The following CEP112 variants were observed in gnomAD, a reference collection of about 807,000 sequenced individuals.
CEP112 encodes the protein centrosomal protein 112.
A neutral mutation model predicts 153.0 loss-of-function variants in CEP112; 127 were observed. The ratio of observed to expected loss-of-function variants is 0.83; its 90% confidence interval spans 0.72 to 0.96. The LOEUF is 0.96. Among genes scored for constraint, CEP112 ranks in the 40% least tolerant of loss-of-function variants. The pLI is 0.00. For missense variants in CEP112, 1,089 were observed against 1,101.2 expected (o/e 0.99, Z 0.16); for synonymous variants, 358 against 374.4 (o/e 0.96, Z 0.51).
chr17:65,693,296 GAGTCAGTTTTCACACC>G (rs2048204533), intron 23 of CEP112, among the ~76,000 whole-genome samples: 1 of 151,970 alleles, frequency 6.6e-6, no homozygotes, highest in African/African-American at 2.4e-5. Context: ...CTGCTCTCCT[GAGTCAGTTTTCACACC>G]AGTCACTTGT....
At chr17:66,119,649 T>G (rs745498129) in intron 6 of CEP112, among the ~76,000 whole-genome samples, 7 of 152,218 alleles carry the variant, frequency 4.6e-5, no homozygotes, top group Non-Finnish European at 1.0e-4. Context: ...TTAGGACTAT[T>G]TGCAGTTTTG....
rs113513721 is a variant in CEP112 at position 65,970,811 on chromosome 17, C to T, written c.1737-9213G>A. On this transcript the variant is annotated intron_variant, in intron 17 of 26. Transcript: ENST00000535342. ...AAATGTATATTGCACATGTGTATGG[C>T]GCATGTATATTGCATGCATGCACAT... Among the ~76,000 whole-genome samples, 20 of 43,452 alleles carry T rather than the reference C, an allele frequency of 4.6e-4. 1 individual carries two copies. The highest frequency in any genetic ancestry group is 2.5e-3 in the South Asian group (1 of 396). The allele number at this position is 43,452 out of a possible 152,430, so 28.5% of individuals were successfully genotyped here.
intron 21 of CEP112, among the ~76,000 whole-genome samples, chr17:65,842,502 C>G (rs1484359699): frequency 2.6e-5 from 4 of 152,126 alleles, no homozygotes; most frequent in Non-Finnish European, 1.5e-5. Context: ...AGGGAGCAGT[C>G]TATTTCCATC....
At chr17:65,772,283 G>C (rs956326131) in intron 21 of CEP112, among the ~76,000 whole-genome samples, 2 of 151,772 alleles carry the variant, frequency 1.3e-5, no homozygotes, top group African/African-American at 4.8e-5. Context: ...TAGAAAAGAG[G>C]AAAACAATGG....
At chr17:65,899,210 T>C (rs1227990275) in intron 20 of CEP112, among the ~76,000 whole-genome samples, 3 of 152,144 alleles carry the variant, frequency 2.0e-5, no homozygotes, top group Non-Finnish European at 4.4e-5. Flanking sequence ...GGTTATGAAT[T>C]TCTACAAGTC....
intron 16 of CEP112, among the ~76,000 whole-genome samples, chr17:66,012,706 G>C (rs2064587692): frequency 6.6e-6 from 1 of 151,980 alleles, no homozygotes; most frequent in Admixed American, 6.6e-5. Flanking sequence ...ATGTGTCTTG[G>C]GGATGGTCTT....
chr17:66,163,840 C>T (rs1435505654), intron 4 of CEP112, among the ~76,000 whole-genome samples: 1 of 152,070 alleles, frequency 6.6e-6, no homozygotes. Flanking sequence ...TTAAAAAGGA[C>T]AACCCAAACT....
chr17:66,140,735 T>G (rs1192740574), intron 4 of CEP112, among the ~76,000 whole-genome samples: 1 of 152,098 alleles, frequency 6.6e-6, no homozygotes, highest in Non-Finnish European at 1.5e-5. Flanking sequence ...CTCCACCTCC[T>G]GGGTTCAAGC....
At chr17:65,958,850 G>A (rs2062094144) in intron 18 of CEP112, among the ~76,000 whole-genome samples, 1 of 152,106 alleles carries the variant, frequency 6.6e-6, no homozygotes, top group Non-Finnish European at 1.5e-5. Context: ...AACTCGTGGT[G>A]CCTTTTCTGG....
chr17:65,999,197 C>CTT (rs34483996), intron 17 of CEP112, among the ~76,000 whole-genome samples: 6 of 132,048 alleles, frequency 4.5e-5, no homozygotes, highest in African/African-American at 8.2e-5. Flanking sequence ...TTACTAAATT[C>CTT]TTTTTTTTTT....
At chr17:65,952,972 T>C (rs376868982) in intron 18 of CEP112, among the ~76,000 whole-genome samples, 9 of 152,342 alleles carry the variant, frequency 5.9e-5, no homozygotes, top group South Asian at 2.1e-4. Flanking sequence ...ATTGTCTTTT[T>C]ATTATTGAGT....
At chr17:66,132,981 G>A (rs537593712) in intron 4 of CEP112, among the ~76,000 whole-genome samples, 3 of 152,104 alleles carry the variant, frequency 2.0e-5, no homozygotes, top group South Asian at 2.1e-4. Flanking sequence ...AGAGGTTGCA[G>A]TGAGCTGAGA....
At chr17:65,675,953 G>A (rs1355049498) in intron 24 of CEP112, among the ~76,000 whole-genome samples, 3 of 152,114 alleles carry the variant, frequency 2.0e-5, no homozygotes, top group Non-Finnish European at 4.4e-5. Flanking sequence ...AGAATAGAAA[G>A]AAAATTCCTT....
chr17:65,966,167 A>C (rs1044815726), intron 17 of CEP112, among the ~76,000 whole-genome samples: 97 of 152,318 alleles, frequency 6.4e-4, no homozygotes, highest in African/African-American at 2.4e-5. Context: ...TTTATTCATA[A>C]AGTGCAGTAA....
chr17:66,070,139 A>T (rs2067258637), intron 8 of CEP112, 138 bp from the exon 9 acceptor site: 2 of 596,330 alleles, frequency 3.4e-6, no homozygotes, highest in Non-Finnish European at 5.9e-6. Flanking sequence ...GATTCTAGCA[A>T]TCACATTACA....
chr17:65,717,389 C>T (rs2049592699), intron 23 of CEP112, among the ~76,000 whole-genome samples: 1 of 152,092 alleles, frequency 6.6e-6, no homozygotes, highest in Admixed American at 6.6e-5. Context: ...AGATTCCGCC[C>T]CTCACCCACA....
chr17:65,694,941 C>T (rs1347649252), intron 23 of CEP112, among the ~76,000 whole-genome samples: 5 of 152,214 alleles, frequency 3.3e-5, no homozygotes, highest in Admixed American at 6.5e-5. Context: ...CAAAACCCAA[C>T]TTGAACAGTT....
At chr17:65,837,948 TGCGGAAG>T (rs1029375515) in intron 21 of CEP112, among the ~76,000 whole-genome samples, 35 of 152,266 alleles carry the variant, frequency 2.3e-4, no homozygotes, top group African/African-American at 8.4e-4. Context: ...ACACAAACAC[TGCGGAAG>T]GCGGCAGGGC....
intron 21 of CEP112, among the ~76,000 whole-genome samples, chr17:65,785,188 T>C (rs1414850894): frequency 3.3e-5 from 5 of 152,240 alleles, no homozygotes; most frequent in Admixed American, 6.5e-5. Context: ...AAATCCATTG[T>C]GTGGATATAC....
Sources: allele counts gnomAD v4.1 joint callset (sites outside exome capture counted in the v4.1 genomes callset), GRCh38; gene constraint gnomAD v4.1.1; transcripts MANE v1.5; gene names NCBI Gene and HGNC (gene_info 2026-07-23, HGNC 2026-07-21).